The following MAP3K19 variants were observed in gnomAD, a reference collection of about 807,000 sequenced individuals.
The protein encoded by MAP3K19 is mitogen-activated protein kinase kinase kinase 19.
MAP3K19 carries 91 observed loss-of-function variants against 114.4 expected under a neutral mutation model. The ratio of observed to expected loss-of-function variants is 0.80; its 90% CI spans 0.67 to 0.95. MAP3K19 has a LOEUF of 0.95. MAP3K19 is among the 40% of genes least tolerant of loss of function. The pLI is 0.00. For missense variants in MAP3K19, 1,471 were observed against 1,573.2 expected (o/e 0.94, Z 1.10); for synonymous variants, 518 against 530.5 (o/e 0.98, Z 0.32).
chr2:134,978,994 T>C (rs1246636798), intron 12 of MAP3K19, among the ~76,000 whole-genome samples: 2 of 152,228 alleles, frequency 1.3e-5, no homozygotes, highest in Non-Finnish European at 2.9e-5. Context: ...TCCATGCTTA[T>C]TTCTCTCAGC....
At chr2:134,998,271 A>G (rs1686169859) in intron 8 of MAP3K19, among the ~76,000 whole-genome samples, 2 of 152,170 alleles carry the variant, frequency 1.3e-5, no homozygotes, top group Admixed American at 1.3e-4. Flanking sequence ...GGCCCCCAAG[A>G]TTCCCACAGA....
intron 5 of MAP3K19, among the ~76,000 whole-genome samples, chr2:135,014,468 G>A (rs1687453237): frequency 1.3e-5 from 2 of 152,142 alleles, no homozygotes; most frequent in African/African-American, 4.8e-5. Context: ...GGGACCACAG[G>A]TACAGGTATC....
chr2:135,021,190 G>GA (rs1687947569), intron 5 of MAP3K19, among the ~76,000 whole-genome samples: 1 of 151,992 alleles, frequency 6.6e-6, no homozygotes, highest in African/African-American at 2.4e-5. Context: ...TGGCAAGTAG[G>GA]AGGTAGGGCC....
intron 12 of MAP3K19, among the ~76,000 whole-genome samples, chr2:134,967,867 T>G (rs1354785983): frequency 6.6e-6 from 1 of 151,940 alleles, no homozygotes; most frequent in Non-Finnish European, 1.5e-5. Flanking sequence ...CTTTTTTTTT[T>G]TTTTATTTTT....
At chr2:135,044,272 A>T (rs1688697005) in intron 1 of MAP3K19, among the ~76,000 whole-genome samples, 2 of 152,154 alleles carry the variant, frequency 1.3e-5, no homozygotes, top group Admixed American at 1.3e-4. Flanking sequence ...CTCACTCCAG[A>T]GAGATGAGAG....
chr2:135,033,542 A>C (rs1574054289), intron 2 of MAP3K19, among the ~76,000 whole-genome samples: 2 of 44,550 alleles, frequency 4.5e-5, no homozygotes, highest in South Asian at 1.5e-3. Context: ...GGCGCCCCTC[A>C]CCTCCCGGAC....
Position 134,992,615 on chromosome 2 carries a change from C to A in MAP3K19, c.575-1035G>T, listed in dbSNP as rs1242880077. 5.9e-5 allele frequency among the ~76,000 whole-genome samples: 9 copies of A among 152,254 alleles called. No homozygotes were observed. The East Asian group carries it at 1.7e-3, about 29-fold the overall frequency. On this transcript the variant is annotated intron_variant, in intron 8 of 12. Coordinates refer to ENST00000392915, the MANE Select transcript of MAP3K19 (RefSeq NM_025052.5). ...ATTACCCAGCTCGCAGTGATGTTAT[C>A]CAACCCAGATAGATAGTCCAGCCCT...
rs1686744501 is a variant in MAP3K19 at position 135,005,453 on chromosome 2, A to G, written c.217T>C (p.Trp73Arg). 1.1e-5 allele frequency: 17 copies of G among 1,613,816 alleles called. No homozygotes were observed. Among genetic ancestry groups the G allele is most frequent in the Non-Finnish European group, 1.4e-5 (17 of 1,179,688 alleles). Residue 73 changes from tryptophan (W) to arginine (R), a missense_variant, in exon 6 of 13, where the codon TGG becomes CGG. Physicochemically the swap from Trp to Arg is moderately radical, Grantham distance 101. Transcript: ENST00000392915. ...EEDPSGGRQD[W>R]QPRTEGVEIT... ...CCAGTACCTTCTGTCCTGGGTTGCC[A>G]GTCCTGTCTACCACCACTGGGATCT...
intron 9 of MAP3K19, among the ~76,000 whole-genome samples, chr2:134,990,034 A>AT (rs1290250682): frequency 6.6e-6 from 1 of 151,790 alleles, no homozygotes; most frequent in African/African-American, 2.4e-5. Context: ...GTGAGCCGAG[A>AT]TTGTGCCAAC....
chr2:134,983,213 T>C (rs745901777), intron 11 of MAP3K19: 2 of 533,868 alleles, frequency 3.7e-6, no homozygotes, highest in African/African-American at 1.9e-5. Context: ...AGATCTCTTA[T>C]GCAGTTCACA....
chr2:135,043,618 A>G (rs1033511526), intron 1 of MAP3K19, among the ~76,000 whole-genome samples: 3 of 152,160 alleles, frequency 2.0e-5, no homozygotes, highest in African/African-American at 7.2e-5. Flanking sequence ...TTATCACCCA[A>G]AGTCCATAGT....
At position 134,986,310 on chromosome 2, in the gene MAP3K19, G is replaced by T. The variant is rs559109549; in HGVS notation, c.2562C>A (p.Asp854Glu). 4.3e-6 allele frequency: 7 copies of T among 1,613,876 alleles called. No homozygotes were observed. The highest frequency in any genetic ancestry group is 2.7e-5 in the African/African-American group (2 of 75,056). Residue 854 changes from aspartate to glutamate, a missense_variant, in exon 10 of 13, where the codon GAC becomes GAA. Asp to Glu is a conservative substitution (Grantham distance 45, BLOSUM62 2). Coordinates refer to ENST00000392915, the MANE Select transcript of MAP3K19 (RefSeq NM_025052.5). ...TCTTCTCACTGGGCACTGCCCAGCT[G>T]TCTTCTGAAGGGATAAATGGGATCT... ...HHQIPFIPSE[D>E]SWAVPSEKNS...
intron 2 of MAP3K19, among the ~76,000 whole-genome samples, chr2:135,031,775 A>C (rs1688386501): frequency 1.3e-5 from 2 of 152,178 alleles, no homozygotes. Flanking sequence ...ATCTAGGAAC[A>C]CTTAGGAGGT....
At chr2:135,005,776 T>C (rs1686770668) in intron 5 of MAP3K19, among the ~76,000 whole-genome samples, 2 of 152,336 alleles carry the variant, frequency 1.3e-5, no homozygotes, top group South Asian at 2.1e-4. Context: ...CATCGACACA[T>C]AGAAACTCAG....
chr2:134,975,080 A>G (rs995016185), intron 12 of MAP3K19, among the ~76,000 whole-genome samples: 1 of 152,072 alleles, frequency 6.6e-6, no homozygotes, highest in Non-Finnish European at 1.5e-5. Context: ...CTTTAGCCTG[A>G]GTGGTAGCAG....
chr2:135,025,259 T>C (rs1688207328), intron 3 of MAP3K19, among the ~76,000 whole-genome samples: 2 of 152,082 alleles, frequency 1.3e-5, no homozygotes, highest in East Asian at 1.9e-4. Flanking sequence ...AATGGTGGAA[T>C]GGCATAGAAT....
At chr2:134,973,685 CTT>C (rs1376717070) in intron 12 of MAP3K19, among the ~76,000 whole-genome samples, 1 of 151,920 alleles carries the variant, frequency 6.6e-6, no homozygotes, top group Non-Finnish European at 1.5e-5. Flanking sequence ...TTCTTTCTCT[CTT>C]GTTATTTATC....
At chr2:135,024,482 G>A in intron 4 of MAP3K19, 144 bp downstream of exon 4, 1 of 758,488 alleles carries the variant, frequency 1.3e-6, no homozygotes. Flanking sequence ...ACCTAGTCGT[G>A]GGCCTTGTAC....
At chr2:134,969,617 C>T (rs1376839220) in intron 12 of MAP3K19, among the ~76,000 whole-genome samples, 1 of 152,134 alleles carries the variant, frequency 6.6e-6, no homozygotes, top group East Asian at 1.9e-4. Context: ...CGTCTCTTCA[C>T]ACTGTGCTTT....
Sources: gnomAD v4.1 joint callset for allele counts (sites outside exome capture counted in the v4.1 genomes callset) on GRCh38, gnomAD v4.1.1 for gene constraint, MANE v1.5 for transcripts, NCBI Gene and HGNC (gene_info 2026-07-23, HGNC 2026-07-21) for gene names.